The following NAV2 variants were observed in gnomAD, a reference collection of about 807,000 sequenced individuals.
NAV2 encodes neuron navigator 2.
A neutral mutation model predicts 223.2 loss-of-function variants in NAV2; 54 were observed. That is an observed-to-expected ratio of 0.24 (90% CI 0.19 to 0.30). The LOEUF is 0.30. Among genes scored for constraint, NAV2 ranks in the 10% least tolerant of loss-of-function variants. The pLI, the probability that NAV2 is intolerant of heterozygous loss-of-function variation, is 1.00. For synonymous variants in NAV2, 1,279 were observed against 1,239.3 expected (o/e 1.03, Z -0.67); for missense variants, 2,806 against 3,147.5 (o/e 0.89, Z 2.60).
chr11:19,435,635 T>TCAAAGGACCTCCATACTGTTTTC (rs1851187697), intron 1 of NAV2, among the ~76,000 whole-genome samples: 1 of 152,154 alleles, frequency 6.6e-6, no homozygotes, highest in African/African-American at 2.4e-5. Context: ...TTTTAGTTTT[T>TCAAAGGACCTCCATACTGTTTTC]CAAAGGACCT....
intron 4 of NAV2, among the ~76,000 whole-genome samples, chr11:19,878,521 T>C (rs2062995906): frequency 2.6e-5 from 4 of 152,214 alleles, no homozygotes; most frequent in African/African-American, 9.7e-5. Flanking sequence ...AGATTGGAAC[T>C]CACGGCTTAG....
At chr11:20,072,034 T>C (rs139077149) in intron 22 of NAV2, among the ~76,000 whole-genome samples, 4,634 of 152,308 alleles carry the variant, frequency 0.03, 117 homozygotes, top group Non-Finnish European at 0.047. Context: ...CTGAATAGTA[T>C]TGCCTAGGTT....
intron 1 of NAV2, among the ~76,000 whole-genome samples, chr11:19,825,231 G>T (rs2059584291): frequency 3.9e-5 from 5 of 129,268 alleles, no homozygotes. Flanking sequence ...GATGGAGGTT[G>T]CAGTGAGCCA....
intron 11 of NAV2, among the ~76,000 whole-genome samples, chr11:20,003,725 C>T (rs2052780414): frequency 2.0e-5 from 3 of 152,166 alleles, no homozygotes; most frequent in Admixed American, 2.0e-4. Flanking sequence ...TGCACACCTC[C>T]CACTGTTCTG....
At chr11:19,485,277 G>C (rs1191128512) in intron 1 of NAV2, among the ~76,000 whole-genome samples, 1 of 152,152 alleles carries the variant, frequency 6.6e-6, no homozygotes, top group East Asian at 1.9e-4. Context: ...TCAAGATGTG[G>C]TGTTATCCAA....
At chr11:19,547,411 T>G (rs2044536038) in intron 1 of NAV2, among the ~76,000 whole-genome samples, 1 of 152,242 alleles carries the variant, frequency 6.6e-6, no homozygotes, top group South Asian at 2.1e-4. Flanking sequence ...TTCTGGTTTT[T>G]CTAATTGCAA....
chr11:19,808,259 C>T (rs924248094), intron 1 of NAV2, among the ~76,000 whole-genome samples: 2 of 152,162 alleles, frequency 1.3e-5, no homozygotes. Flanking sequence ...CACTGAGGGG[C>T]ACCAGCTGGA....
chr11:19,885,124 G>A (rs986806288), intron 5 of NAV2, among the ~76,000 whole-genome samples: 1 of 152,160 alleles, frequency 6.6e-6, no homozygotes, highest in African/African-American at 2.4e-5. Context: ...AACATTTATT[G>A]AACGCACCAG....
intron 1 of NAV2, among the ~76,000 whole-genome samples, chr11:19,431,039 T>C (rs1302744189): frequency 5.9e-5 from 9 of 152,188 alleles, no homozygotes; most frequent in Non-Finnish European, 1.3e-4. Context: ...CTTTATAATG[T>C]AAATCTGCCT....
chr11:19,860,416 C>T (rs868696905), intron 3 of NAV2, among the ~76,000 whole-genome samples: 22 of 150,248 alleles, frequency 1.5e-4, no homozygotes, highest in Middle Eastern at 3.5e-3. Flanking sequence ...GAGGCGCTCC[C>T]CACATCTCAG....
rs1480676680 is a variant in NAV2 at position 20,117,044 on chromosome 11, G to A, written c.7165-1089G>A. ...GACACCAGATGATGGTGCTTCTGCAGCCTGGCGCATCTGGGTAGACTCTGC... is the reference window on the plus strand; with the variant it reads ...GACACCAGATGATGGTGCTTCTGCAACCTGGCGCATCTGGGTAGACTCTGC... On this transcript the variant is annotated intron_variant, in intron 37 of 37. Coordinates refer to ENST00000349880, the MANE Select transcript of NAV2 (RefSeq NM_145117.5). Among the ~76,000 whole-genome samples the A allele has an allele frequency of 2.0e-5, 3 of 152,116 alleles. No individual in the cohort carries two copies. The East Asian group carries it at 5.8e-4, about 29-fold the overall frequency.
chr11:19,725,634 T>C (rs927321321), intron 1 of NAV2, among the ~76,000 whole-genome samples: 6 of 152,202 alleles, frequency 3.9e-5, no homozygotes, highest in Non-Finnish European at 7.4e-5. Flanking sequence ...TTTGGAATCA[T>C]TCCTTCTCTG....
chr11:19,858,349 G>A (rs749882792), intron 3 of NAV2, among the ~76,000 whole-genome samples: 17 of 152,180 alleles, frequency 1.1e-4, no homozygotes, highest in Non-Finnish European at 2.2e-4. Context: ...CTAGCATAAT[G>A]TCCTTCAGGC....
chr11:19,622,734 T>A (rs1327147433), intron 1 of NAV2, among the ~76,000 whole-genome samples: 1 of 152,236 alleles, frequency 6.6e-6, no homozygotes, highest in Non-Finnish European at 1.5e-5. Flanking sequence ...CCAGTCTGTG[T>A]CTTTTAATTG....
At chr11:19,656,679 AT>A (rs2048136264) in intron 1 of NAV2, among the ~76,000 whole-genome samples, 3 of 152,324 alleles carry the variant, frequency 2.0e-5, no homozygotes, top group African/African-American at 7.2e-5. Flanking sequence ...CCACACCCAC[AT>A]CAACTGAGAT....
At chr11:19,824,526 C>A (rs551344985) in intron 1 of NAV2, among the ~76,000 whole-genome samples, 1 of 152,320 alleles carries the variant, frequency 6.6e-6, no homozygotes, top group South Asian at 2.1e-4. Context: ...AAAAGACTTG[C>A]TTCTCTGTGC....
At chr11:19,656,637 G>A (rs1590045932) in intron 1 of NAV2, among the ~76,000 whole-genome samples, 2 of 152,146 alleles carry the variant, frequency 1.3e-5, no homozygotes, top group Admixed American at 6.5e-5. Context: ...GTGGAGGCAG[G>A]GGGACTTGGT....
intron 1 of NAV2, among the ~76,000 whole-genome samples, chr11:19,390,459 T>C (rs1027350623): frequency 8.5e-5 from 13 of 152,202 alleles, no homozygotes; most frequent in African/African-American, 2.9e-4. Context: ...ATTGAGTTCC[T>C]ATTATGTGCT....
chr11:19,520,754 C>T (rs1022673231), intron 1 of NAV2, among the ~76,000 whole-genome samples: 5 of 152,202 alleles, frequency 3.3e-5, no homozygotes, highest in South Asian at 2.1e-4. Context: ...CTTTGCCAAG[C>T]GAGGGCCCAG....
Sources: gnomAD v4.1 joint callset for allele counts (sites outside exome capture counted in the v4.1 genomes callset) on GRCh38, gnomAD v4.1.1 for gene constraint, MANE v1.5 for transcripts, NCBI Gene and HGNC (gene_info 2026-07-23, HGNC 2026-07-21) for gene names.